Variants in MRAS observed in about 807,000 individuals in gnomAD.
The protein encoded by MRAS is muscle RAS oncogene homolog.
A neutral mutation model predicts 20.9 loss-of-function variants in MRAS; 4 were observed. The ratio of observed to expected loss-of-function variants is 0.19; its 90% confidence interval spans 0.09 to 0.44. MRAS has a LOEUF of 0.44. Ranked by LOEUF, MRAS falls within the 20% of genes least tolerant of loss-of-function variation. The pLI, the probability that MRAS is intolerant of heterozygous loss-of-function variation, is 0.99. For synonymous variants in MRAS, 98 were observed against 102.9 expected, an observed-to-expected ratio of 0.95 and a Z score of 0.29; for missense variants, 154 against 277.5, an observed-to-expected ratio of 0.56 and a Z score of 3.16.
In MRAS at chr3:138,402,313, C is replaced by G; in HGVS notation, c.*44C>G. On this transcript the variant is annotated 3_prime_UTR_variant, in exon 6 of 6. Coordinates refer to ENST00000423968, the MANE Select transcript of MRAS (RefSeq NM_001085049.3). ...CACAGTGACGGTGGCCTGGCCAGCCCTCGGGACCCCTCCCCACCTAACTGC... is the reference window on the plus strand; with the variant it reads ...CACAGTGACGGTGGCCTGGCCAGCCGTCGGGACCCCTCCCCACCTAACTGC... 2.0e-6 allele frequency: 3 copies of G among 1,515,500 alleles called. No individual in the cohort carries two copies. Among genetic ancestry groups the G allele is most frequent in the Non-Finnish European group, 2.7e-6 (3 of 1,093,678 alleles). The allele number at this position is 1,515,500 out of a possible 1,614,324, so 93.9% of individuals were successfully genotyped here.
intron 1 of MRAS, chr3:138,350,556 A>C (rs1466217331): frequency 6.6e-6 from 1 of 152,174 alleles, no homozygotes; most frequent in African/African-American, 2.4e-5. Flanking sequence ...GGTAGGCGGT[A>C]GTCAAGGCCC....
chr3:138,366,569 C>T (rs2054563862), intron 1 of MRAS, among the ~76,000 whole-genome samples: 2 of 152,158 alleles, frequency 1.3e-5, no homozygotes, highest in Admixed American at 1.3e-4. Context: ...ATCTGTGGTC[C>T]TAAGGTCAGG....
At chr3:138,374,862 A>T (rs1400663446) in intron 2 of MRAS, among the ~76,000 whole-genome samples, 1 of 152,078 alleles carries the variant, frequency 6.6e-6, no homozygotes, top group Non-Finnish European at 1.5e-5. Flanking sequence ...TTAGTTTGTT[A>T]ATGTGGTAAA....
At chr3:138,368,774 G>T (rs1194509636) in intron 1 of MRAS, among the ~76,000 whole-genome samples, 1 of 152,168 alleles carries the variant, frequency 6.6e-6, no homozygotes, top group Non-Finnish European at 1.5e-5. Context: ...GTCGTAGCCT[G>T]TGAGTGGTTT....
chr3:138,372,088 G>T (rs528755252), intron 1 of MRAS, among the ~76,000 whole-genome samples: 4 of 152,022 alleles, frequency 2.6e-5, no homozygotes, highest in Non-Finnish European at 5.9e-5. Context: ...ACTGCCCTGC[G>T]CATTGTACAA....
chr3:138,399,905 G>A (rs568657463), intron 4 of MRAS, among the ~76,000 whole-genome samples: 181 of 152,300 alleles, frequency 1.2e-3, no homozygotes, highest in African/African-American at 3.6e-3. Context: ...GCTCTGTGGG[G>A]CCACCACAGT....
At position 138,402,398 on chromosome 3, in the gene MRAS, G is replaced by C. The variant is rs1335173187; in HGVS notation, c.*129G>C. On this transcript the variant is annotated 3_prime_UTR_variant, in exon 6 of 6. Transcript: ENST00000423968. ...AGGACTTGGTACAGGAAGGGAGAAG[G>C]GCAGGTGGGCAGGGAGCAGACAGGG... 3 of 777,246 alleles carry C rather than the reference G, an allele frequency of 3.9e-6. No homozygotes were observed. The highest frequency in any genetic ancestry group is 7.3e-4 in the Middle Eastern group (2 of 2,730). 48.1% of individuals were successfully genotyped at this position (777,246 alleles called of 1,614,324 possible).
At chr3:138,399,944 A>G (rs993194950) in intron 4 of MRAS, among the ~76,000 whole-genome samples, 1 of 152,134 alleles carries the variant, frequency 6.6e-6, no homozygotes. Flanking sequence ...CACCCTTTCG[A>G]CCGGGTGATG....
intron 2 of MRAS, among the ~76,000 whole-genome samples, chr3:138,394,337 G>A (rs2108555961): frequency 6.6e-6 from 1 of 152,286 alleles, no homozygotes; most frequent in East Asian, 1.9e-4. Context: ...AAGTAGCCAT[G>A]AGCTGCTTTT....
At chr3:138,383,795 A>C (rs2054954070) in intron 2 of MRAS, among the ~76,000 whole-genome samples, 1 of 152,166 alleles carries the variant, frequency 6.6e-6, no homozygotes, top group South Asian at 2.1e-4. Context: ...CTTATATTTT[A>C]GTGGGGTGAG....
chr3:138,368,992 T>G (rs1448366595), intron 1 of MRAS, among the ~76,000 whole-genome samples: 1 of 152,178 alleles, frequency 6.6e-6, no homozygotes, highest in Admixed American at 6.5e-5. Flanking sequence ...TGGAAACCCC[T>G]TCTTTGTTTC....
At chr3:138,385,970 G>A (rs1300004123) in intron 2 of MRAS, among the ~76,000 whole-genome samples, 1 of 152,188 alleles carries the variant, frequency 6.6e-6, no homozygotes, top group Non-Finnish European at 1.5e-5. Flanking sequence ...TGGAGAGGAT[G>A]GTCTTAGGAG....
intron 1 of MRAS, among the ~76,000 whole-genome samples, chr3:138,368,916 C>T (rs1019650889): frequency 2.8e-4 from 43 of 152,114 alleles, no homozygotes; most frequent in African/African-American, 9.9e-4. Flanking sequence ...GCCGGAGAAA[C>T]ATGCCTATCA....
intron 1 of MRAS, chr3:138,349,099 C>CGGGGGATGGGTGGGTGGGT (rs1164697256): frequency 7.5e-4 from 1 of 1,336 alleles, no homozygotes; most frequent in Non-Finnish European, 1.4e-3. Flanking sequence ...GACGGGGCGG[C>CGGGGGATGGGTGGGTGGGT]GGGGGATGGG....
chr3:138,404,060 A>T lies in MRAS; in HGVS notation c.*1791A>T, dbSNP rs2055410389. On this transcript the variant is annotated 3_prime_UTR_variant, in exon 6 of 6. Transcript: ENST00000423968. Reference sequence around the variant, plus strand: ...CCTTTTTCTGTTCCTAAAAGGAAGGATAAGAGAGAACATTCCAGGTGAGGC... The same window carrying T: ...CCTTTTTCTGTTCCTAAAAGGAAGGTTAAGAGAGAACATTCCAGGTGAGGC... 2 of 152,230 alleles carry T rather than the reference A, an allele frequency of 1.3e-5. No individual in the cohort carries two copies. Among genetic ancestry groups the T allele is most frequent in the Admixed American group, 6.5e-5 (1 of 15,282 alleles). The allele number at this position is 152,230 out of a possible 1,614,324, so 9.4% of individuals were successfully genotyped here.
intron 2 of MRAS, among the ~76,000 whole-genome samples, chr3:138,378,563 A>G (rs931853364): frequency 6.6e-6 from 1 of 151,990 alleles, no homozygotes; most frequent in African/African-American, 2.4e-5. Context: ...TCCCATCTCC[A>G]TGCTCTCAGC....
chr3:138,391,198 T>C (rs1249842670), intron 2 of MRAS, among the ~76,000 whole-genome samples: 1 of 152,230 alleles, frequency 6.6e-6, no homozygotes, highest in Non-Finnish European at 1.5e-5. Context: ...CCTCTTGATT[T>C]AAGTGTTTAG....
intron 2 of MRAS, among the ~76,000 whole-genome samples, chr3:138,395,243 G>T (rs2055210894): frequency 6.6e-6 from 1 of 151,900 alleles, no homozygotes; most frequent in Non-Finnish European, 1.5e-5. Flanking sequence ...GTTTCATTTG[G>T]CCAGGCTGGT....
At chr3:138,398,352 C>A in intron 3 of MRAS, 117 bp from the exon 4 acceptor site, 3 of 808,372 alleles carry the variant, frequency 3.7e-6, no homozygotes, top group Non-Finnish European at 4.2e-6. Flanking sequence ...GCAGTCCAGG[C>A]TGACTGGGGA....
Sources: gnomAD v4.1 joint callset for allele counts (sites outside exome capture counted in the v4.1 genomes callset) on GRCh38, gnomAD v4.1.1 for gene constraint, MANE v1.5 for transcripts, NCBI Gene and HGNC (gene_info 2026-07-23, HGNC 2026-07-21) for gene names.